The following FRY variants were observed in gnomAD, a reference collection of about 807,000 sequenced individuals.
FRY encodes FRY microtubule binding protein.
In FRY, 128 loss-of-function variants were observed where a neutral mutation model predicts 348.4. That is an observed-to-expected ratio of 0.37 (90% CI 0.32 to 0.43). The LOEUF (loss-of-function observed/expected upper bound fraction) is 0.43. Among genes scored for constraint, FRY ranks in the 20% least tolerant of loss-of-function variants. The pLI, the probability that FRY is intolerant of heterozygous loss-of-function variation, is 1.00. For missense variants in FRY, 2,736 were observed against 3,695.2 expected, an observed-to-expected ratio of 0.74 and a Z score of 6.73; for synonymous variants, 1,370 against 1,374.7, an observed-to-expected ratio of 1.00 and a Z score of 0.08.
rs73167143 is a variant in FRY at position 32,135,016 on chromosome 13, A to T, written c.978+20A>T. 1 of 1,582,094 alleles carries T rather than the reference A, an allele frequency of 6.3e-7. No individual in the cohort carries two copies. The highest frequency in any genetic ancestry group is 8.7e-7 in the Non-Finnish European group (1 of 1,150,960). ...GCTGCTGTGAGTTTCATTTCTAAAA[A>T]CTCCTTCAAATTGTATCACAAAATC... On this transcript the variant is annotated intron_variant, in intron 9 of 60. Transcript: ENST00000542859.
At chr13:32,059,017 T>C (rs1873786035) in intron 1 of FRY, among the ~76,000 whole-genome samples, 1 of 152,188 alleles carries the variant, frequency 6.6e-6, no homozygotes, top group Non-Finnish European at 1.5e-5. Context: ...CCTTATAAGG[T>C]TACTGTGAGG....
chr13:32,257,258 G>A (rs1287715160), intron 51 of FRY, among the ~76,000 whole-genome samples: 1 of 152,138 alleles, frequency 6.6e-6, no homozygotes, highest in Non-Finnish European at 1.5e-5. Flanking sequence ...GCATATAGTT[G>A]GCATTGTAAA....
At chr13:32,200,975 G>A (rs1883985478) in intron 29 of FRY, among the ~76,000 whole-genome samples, 1 of 152,138 alleles carries the variant, frequency 6.6e-6, no homozygotes, top group Middle Eastern at 3.4e-3. Flanking sequence ...TCTCCACACA[G>A]CAGCCAGAGT....
At chr13:32,122,968 G>A (rs1172928178) in intron 4 of FRY, among the ~76,000 whole-genome samples, 2 of 150,382 alleles carry the variant, frequency 1.3e-5, no homozygotes, top group Non-Finnish European at 3.0e-5. Flanking sequence ...AAATACTTAG[G>A]AATATACCTA....
Position 32,237,353 on chromosome 13 carries a change from T to C in FRY, c.5811-26T>C. On this transcript the variant is annotated intron_variant, in intron 43 of 60. Transcript: ENST00000542859. This position sits in a 1 kb window ranked among gnomAD's most constrained non-coding sequence, Gnocchi z 6.3. ...TTTGGTGACACATGTTGGCATCCTA[T>C]TAAACTTATTTATTTTTATACCCAG... is the stretch of plus-strand genomic sequence containing the variant. 6.2e-7 allele frequency: 1 copy of C among 1,612,076 alleles called. No homozygotes were observed.
intron 16 of FRY, among the ~76,000 whole-genome samples, chr13:32,160,343 T>C (rs1235592791): frequency 6.6e-6 from 1 of 152,242 alleles, no homozygotes; most frequent in Admixed American, 6.5e-5. Flanking sequence ...ATATTATCAC[T>C]TGGGTCATTT....
At chr13:32,194,968 T>G (rs1883588085) in intron 29 of FRY, among the ~76,000 whole-genome samples, 1 of 152,200 alleles carries the variant, frequency 6.6e-6, no homozygotes, top group Non-Finnish European at 1.5e-5. Flanking sequence ...AATATTCATA[T>G]AGAGTGTCAA....
Position 32,175,568 on chromosome 13 carries a change from A to G in FRY, c.2357A>G (p.Asp786Gly), listed in dbSNP as rs1196581982. 3.1e-6 allele frequency: 5 copies of G among 1,611,428 alleles called. No individual in the cohort carries two copies. The highest frequency in any genetic ancestry group is 1.6e-4 in the Middle Eastern group (1 of 6,082). ...QPEDDDRPMI[D>G]VMDQLSSSIL... ...CAGGATGACGACAGGCCGATGATTG[A>G]TGTCATGGATCAGCTAAGTTCTTCC... is the stretch of plus-strand genomic sequence containing the variant. The change falls in exon 20 of 61, where the codon GAT becomes GGT. Residue 786 changes from aspartate (D) to glycine (G), a missense_variant. Asp to Gly is a moderately conservative substitution (Grantham distance 94). Around this residue, in one of 9 missense-constraint regions of FRY, gnomAD observed 449 missense variants for 576.9 expected, o/e 0.78. Transcript: ENST00000542859.
At chr13:32,100,292 G>A (rs1877067684) in intron 2 of FRY, among the ~76,000 whole-genome samples, 1 of 151,826 alleles carries the variant, frequency 6.6e-6, no homozygotes, top group Non-Finnish European at 1.5e-5. Context: ...TGTTGACCAG[G>A]ATGGTCTCCA....
chr13:32,189,135 T>G (rs893288528), intron 28 of FRY, among the ~76,000 whole-genome samples: 1 of 152,146 alleles, frequency 6.6e-6, no homozygotes, highest in African/African-American at 2.4e-5. Context: ...TACATTTTTT[T>G]AAAGCAGCAA....
At chr13:32,076,935 A>C (rs1197048061) in intron 1 of FRY, among the ~76,000 whole-genome samples, 1 of 152,268 alleles carries the variant, frequency 6.6e-6, no homozygotes, top group African/African-American at 2.4e-5. Context: ...TACACGACAA[A>C]GCAAAACACC....
At chr13:32,233,477 T>G (rs1286244740) in intron 41 of FRY, among the ~76,000 whole-genome samples, 1 of 152,240 alleles carries the variant, frequency 6.6e-6, no homozygotes, top group Non-Finnish European at 1.5e-5. Flanking sequence ...GTTTTCTGAT[T>G]ACTGAGATTA....
chr13:32,138,009 G>A (rs773190934), intron 11 of FRY, among the ~76,000 whole-genome samples: 1 of 152,038 alleles, frequency 6.6e-6, no homozygotes, highest in South Asian at 2.1e-4. Context: ...CTTCAAATTG[G>A]CAGTGAAATA....
Position 32,179,067 on chromosome 13 carries a change from A to G in FRY, c.2871+34A>G, listed in dbSNP as rs775410455. 49 of 1,571,164 alleles carry G rather than the reference A, an allele frequency of 3.1e-5. 1 individual carries two copies. The highest frequency in any genetic ancestry group is 4.0e-5 in the Non-Finnish European group (46 of 1,142,106). On this transcript the variant is annotated intron_variant, in intron 22 of 60. Coordinates refer to ENST00000542859, the MANE Select transcript of FRY (RefSeq NM_023037.3). ...ACATGCTTCAGAAGAATTATTCTGT[A>G]AGGTTTTTTTTTAGCTTGTTTGTCT...
chr13:32,072,956 A>G (rs1387605786), intron 1 of FRY, among the ~76,000 whole-genome samples: 1 of 152,234 alleles, frequency 6.6e-6, no homozygotes, highest in Non-Finnish European at 1.5e-5. Context: ...GTTTAATCAG[A>G]TCACCTTTCT....
At chr13:32,133,764 CTTTCTTTTTT>C (rs1879523444) in intron 8 of FRY, among the ~76,000 whole-genome samples, 2 of 108,486 alleles carry the variant, frequency 1.8e-5, no homozygotes, top group South Asian at 3.0e-4. Flanking sequence ...TTCTTTCTTT[CTTTCTTTTTT>C]TTTTTTTTTT....
At chr13:32,189,655 TA>T (rs889392855) in intron 28 of FRY, among the ~76,000 whole-genome samples, 5 of 151,698 alleles carry the variant, frequency 3.3e-5, no homozygotes, top group Admixed American at 6.6e-5. Flanking sequence ...TTTAAAGTGT[TA>T]AAAAAAAGAA....
chr13:32,041,565 C>T (rs914324211), intron 1 of FRY, among the ~76,000 whole-genome samples: 2 of 152,078 alleles, frequency 1.3e-5, no homozygotes, highest in African/African-American at 4.8e-5. Flanking sequence ...CCCAGCCAGT[C>T]ATCTACTTTC....
intron 55 of FRY, among the ~76,000 whole-genome samples, chr13:32,270,995 C>T (rs1192002559): frequency 6.6e-6 from 1 of 152,208 alleles, no homozygotes; most frequent in Non-Finnish European, 1.5e-5. Flanking sequence ...ACAGGTCAGC[C>T]ATGGCCCACA....
Sources: allele counts gnomAD v4.1 joint callset (sites outside exome capture counted in the v4.1 genomes callset), GRCh38; gene constraint gnomAD v4.1.1; regional missense constraint gnomAD v4.1.1; non-coding constraint Gnocchi (gnomAD v3.1); transcripts MANE v1.5; gene names NCBI Gene and HGNC (gene_info 2026-07-23, HGNC 2026-07-21).